TENM1: variants seen among roughly 807,000 people sequenced by gnomAD.
TENM1 encodes the protein teneurin transmembrane protein 1.
In TENM1, 35 loss-of-function variants were observed where a neutral mutation model predicts 174.8. That is an observed-to-expected ratio of 0.20 (90% confidence interval 0.15 to 0.27). The LOEUF is 0.27. Among genes scored for constraint, TENM1 ranks in the 10% least tolerant of loss-of-function variants. TENM1 has a pLI of 1.00. For missense variants in TENM1, 1,633 were observed against 2,130.1 expected, an observed-to-expected ratio of 0.77 and a Z score of 4.59; for synonymous variants, 781 against 798.7, an observed-to-expected ratio of 0.98 and a Z score of 0.37.
At chrX:124,689,773 G>GT (rs1031267289) in intron 5 of TENM1, among the ~76,000 whole-genome samples, 1,167 of 106,914 alleles carry the variant, frequency 0.011, 13 homozygotes, top group African/African-American at 0.037. Context: ...CATATACTAT[G>GT]TTTTTTTTTT....
At chrX:124,812,547 C>T (rs2055806301) in intron 3 of TENM1, among the ~76,000 whole-genome samples, 1 of 111,030 alleles carries the variant, frequency 9.0e-6, no homozygotes, top group Non-Finnish European at 1.9e-5. Flanking sequence ...TTATAAATCA[C>T]TTTTGGGAAA....
intron 22 of TENM1, among the ~76,000 whole-genome samples, chrX:124,475,591 T>G (rs1411462361): frequency 8.9e-6 from 1 of 112,214 alleles, no homozygotes; most frequent in Non-Finnish European, 1.9e-5. Flanking sequence ...ATGCAATAGC[T>G]ACAAATGTGT....
intron 3 of TENM1, among the ~76,000 whole-genome samples, chrX:124,744,281 G>A (rs1603111810): frequency 1.8e-5 from 2 of 111,562 alleles, no homozygotes; most frequent in South Asian, 7.5e-4. Flanking sequence ...GCTAATATTT[G>A]TAGAGTAGTT....
At chrX:124,461,296 A>G (rs1410028253) in intron 22 of TENM1, among the ~76,000 whole-genome samples, 2 of 112,068 alleles carry the variant, frequency 1.8e-5, no homozygotes, top group Non-Finnish European at 3.8e-5. Context: ...TGTTGGTGGA[A>G]ATGTAAATTA....
chrX:124,393,711 C>G (rs2060305504), intron 27 of TENM1, among the ~76,000 whole-genome samples: 1 of 111,585 alleles, frequency 9.0e-6, no homozygotes, highest in Non-Finnish European at 1.9e-5. Context: ...CTTCACCCAG[C>G]TTTTAGGGGA....
chrX:124,513,689 T>C (rs1001734584), intron 18 of TENM1, among the ~76,000 whole-genome samples: 3 of 112,318 alleles, frequency 2.7e-5, no homozygotes, highest in Non-Finnish European at 5.6e-5. Context: ...CAAATAGACA[T>C]TTCCTTCTTT....
chrX:124,722,012 G>A (rs2148521998), intron 4 of TENM1, among the ~76,000 whole-genome samples: 1 of 112,061 alleles, frequency 8.9e-6, no homozygotes, highest in African/African-American at 3.2e-5. Flanking sequence ...AGCTACAAGT[G>A]TATCTACTAA....
chrX:124,784,154 G>A (rs2054983273), intron 3 of TENM1, among the ~76,000 whole-genome samples: 4 of 111,956 alleles, frequency 3.6e-5, no homozygotes, highest in African/African-American at 1.3e-4. Context: ...CCAAAATACA[G>A]TCCAAAATTA....
At chrX:124,870,457 A>T (rs1217018556) in intron 3 of TENM1, among the ~76,000 whole-genome samples, 1 of 111,899 alleles carries the variant, frequency 8.9e-6, no homozygotes, top group South Asian at 3.8e-4. Flanking sequence ...GGGTAAAGGT[A>T]TTAAGAGTTC....
At chrX:125,151,574 A>C in the TENM1 span, among the ~76,000 whole-genome samples, 9 of 112,628 alleles carry the variant, frequency 8.0e-5, no homozygotes, top group Middle Eastern at 4.6e-3. Context: ...AGTATAGTAC[A>C]TACAAACAGT....
At chrX:124,418,548 T>C (rs775207193) in intron 25 of TENM1, among the ~76,000 whole-genome samples, 3 of 112,065 alleles carry the variant, frequency 2.7e-5, no homozygotes, top group Non-Finnish European at 3.8e-5. Context: ...TGAAATTGTA[T>C]ACATCTTCCT....
intron 18 of TENM1, among the ~76,000 whole-genome samples, chrX:124,504,775 C>T (rs146771960): frequency 0.019 from 2,159 of 111,464 alleles, 57 homozygotes; most frequent in African/African-American, 0.066. Flanking sequence ...AGTGAAAATG[C>T]GTGCTTAAAC....
chrX:125,127,661 C>T, the TENM1 span, among the ~76,000 whole-genome samples: 1 of 110,769 alleles, frequency 9.0e-6, no homozygotes, highest in African/African-American at 3.3e-5. Flanking sequence ...CATCAAGATG[C>T]AAAAAACAAG....
At chrX:124,647,271 G>A (rs1474303563) in intron 8 of TENM1, among the ~76,000 whole-genome samples, 7 of 111,724 alleles carry the variant, frequency 6.3e-5, no homozygotes, top group Non-Finnish European at 1.3e-4. Flanking sequence ...TATCTTGACA[G>A]CTTAAATATG....
intron 18 of TENM1, among the ~76,000 whole-genome samples, chrX:124,513,711 T>C (rs957677479): frequency 8.9e-6 from 1 of 112,242 alleles, no homozygotes; most frequent in Non-Finnish European, 1.9e-5. Context: ...TTTATTTAGA[T>C]TTAATCATAA....
At chrX:124,806,130 TA>T (rs1253805900) in intron 3 of TENM1, among the ~76,000 whole-genome samples, 2 of 111,077 alleles carry the variant, frequency 1.8e-5, no homozygotes, top group Non-Finnish European at 3.8e-5. Context: ...GAGATAGAAA[TA>T]ATTTTTAAAG....
intron 6 of TENM1, among the ~76,000 whole-genome samples, chrX:124,663,599 A>C (rs932237254): frequency 8.9e-6 from 1 of 112,093 alleles, no homozygotes; most frequent in Non-Finnish European, 1.9e-5. Flanking sequence ...TGTTATGGGA[A>C]GATCCCTTAG....
chrX:124,409,703 C>T (rs1208938641), intron 25 of TENM1, among the ~76,000 whole-genome samples: 1 of 105,715 alleles, frequency 9.5e-6, no homozygotes, highest in African/African-American at 3.4e-5. Context: ...GCAAAAATCA[C>T]AAGCATTCTT....
chrX:124,902,959 G>A lies in TENM1; in HGVS notation c.218-6718C>T, dbSNP rs188745556. Among the ~76,000 whole-genome samples, 18 of 112,177 alleles carry A rather than the reference G, an allele frequency of 1.6e-4. 1 individual carries two copies. The East Asian group carries it at 4.8e-3, about 30-fold the overall frequency. ...TTTTTAAGCCCCTAATGATAACAAG[G>A]TAATAAAGGCACATTGTCTAAACCT... On this transcript the variant is annotated intron_variant, in intron 1 of 31. Transcript: ENST00000422452.
Sources: allele counts gnomAD v4.1 joint callset (sites outside exome capture counted in the v4.1 genomes callset), GRCh38; gene constraint gnomAD v4.1.1; transcripts MANE v1.5; gene names NCBI Gene and HGNC (gene_info 2026-07-23, HGNC 2026-07-21).